SEMA3C: variants seen among roughly 807,000 people sequenced by gnomAD.
The protein encoded by SEMA3C is semaphorin 3C.
A neutral mutation model predicts 89.4 loss-of-function variants in SEMA3C; 47 were observed. The observed-to-expected ratio is 0.53, with a 90% CI of 0.42 to 0.67. The LOEUF is 0.67. Ranked by LOEUF, SEMA3C falls within the 30% of genes least tolerant of loss-of-function variation. The probability of loss-of-function intolerance (pLI) is 0.00; values close to 1 mark genes in which losing one functional copy is unlikely to be tolerated. For synonymous variants in SEMA3C, 310 were observed against 320.2 expected, an observed-to-expected ratio of 0.97 and a Z score of 0.34; for missense variants, 839 against 929.1, an observed-to-expected ratio of 0.90 and a Z score of 1.26.
intron 2 of SEMA3C, among the ~76,000 whole-genome samples, chr7:80,858,217 C>T (rs554707942): frequency 2.8e-4 from 42 of 152,184 alleles, no homozygotes; most frequent in African/African-American, 9.1e-4. Context: ...AACAGGTACT[C>T]TAAACTACTA....
chr7:80,788,212 G>A (rs1052473637), intron 12 of SEMA3C, among the ~76,000 whole-genome samples: 18 of 152,106 alleles, frequency 1.2e-4, no homozygotes, highest in Admixed American at 1.1e-3. Flanking sequence ...TTTTACAGAC[G>A]TGTTGTCTCT....
intron 13 of SEMA3C, among the ~76,000 whole-genome samples, chr7:80,763,265 A>C (rs1284446828): frequency 1.3e-5 from 2 of 152,180 alleles, no homozygotes; most frequent in Non-Finnish European, 2.9e-5. Context: ...TAGCTAAGAA[A>C]ACTTTTCAAT....
chr7:80,893,341 T>C (rs1791660393), intron 2 of SEMA3C, among the ~76,000 whole-genome samples: 1 of 152,050 alleles, frequency 6.6e-6, no homozygotes, highest in South Asian at 2.1e-4. Flanking sequence ...GCAGAACAAA[T>C]TGGGAAATTT....
intron 2 of SEMA3C, among the ~76,000 whole-genome samples, chr7:80,836,609 C>T (rs1260478287): frequency 1.3e-5 from 2 of 152,046 alleles, no homozygotes; most frequent in East Asian, 1.9e-4. Context: ...ACCTGTGAGG[C>T]GGAGATTGCA....
chr7:80,780,410 A>G (rs189122235), intron 12 of SEMA3C, among the ~76,000 whole-genome samples: 17 of 152,310 alleles, frequency 1.1e-4, no homozygotes, highest in Middle Eastern at 3.4e-3. Flanking sequence ...AGAACATAAC[A>G]TGTTATCTTT....
intron 10 of SEMA3C, 68 bp from the exon 11 acceptor site, chr7:80,798,304 G>A (rs1789116192): frequency 1.6e-5 from 19 of 1,209,580 alleles, no homozygotes; most frequent in South Asian, 1.2e-4. Flanking sequence ...AAAAATATAT[G>A]GTAAAATTTA....
At chr7:80,787,346 C>G (rs74743022) in intron 12 of SEMA3C, among the ~76,000 whole-genome samples, 1 of 142,328 alleles carries the variant, frequency 7.0e-6, no homozygotes. Context: ...GAGCCGAGAT[C>G]GTGCCACTGC....
At chr7:80,827,402 T>G (rs753667013) in intron 4 of SEMA3C, 23 bp downstream of exon 4, 308 of 1,480,098 alleles carry the variant, frequency 2.1e-4, no homozygotes, top group Admixed American at 5.9e-4. Flanking sequence ...GTTTTTTTTT[T>G]TTTTTTTTTT....
At chr7:80,757,998 G>T (rs887259023) in intron 15 of SEMA3C, among the ~76,000 whole-genome samples, 8 of 151,914 alleles carry the variant, frequency 5.3e-5, no homozygotes, top group African/African-American at 1.7e-4. Context: ...AAATTAAAAA[G>T]ATATAAATTA....
intron 2 of SEMA3C, among the ~76,000 whole-genome samples, chr7:80,893,378 A>G (rs1460530473): frequency 6.6e-6 from 1 of 152,186 alleles, no homozygotes; most frequent in Non-Finnish European, 1.5e-5. Context: ...TCTATCAGAT[A>G]CACTCTCTGC....
At chr7:80,769,518 AT>A (rs1295128783) in intron 12 of SEMA3C, among the ~76,000 whole-genome samples, 1 of 152,156 alleles carries the variant, frequency 6.6e-6, no homozygotes, top group Admixed American at 6.5e-5. Context: ...TATGCATACC[AT>A]TTTAAAAATA....
chr7:80,758,319 T>C lies in SEMA3C; in HGVS notation c.1643+12A>G, dbSNP rs749693429. 2 of 1,610,094 alleles carry C rather than the reference T, an allele frequency of 1.2e-6. No individual in the cohort carries two copies. Among genetic ancestry groups the C allele is most frequent in the South Asian group, 1.1e-5 (1 of 90,786 alleles). On this transcript the variant is annotated intron_variant, in intron 15 of 17. Transcript: ENST00000265361. ...CTACATTTGGATGTTGAGCCGAGTG[T>C]TTAGTGCTCACCGTTTCCCAGTTGG...
At chr7:80,898,923 G>T (rs1423803249) in intron 2 of SEMA3C, among the ~76,000 whole-genome samples, 1 of 151,832 alleles carries the variant, frequency 6.6e-6, no homozygotes, top group Non-Finnish European at 1.5e-5. Flanking sequence ...GTTTATAGGT[G>T]ATTTGTAGCT....
intron 2 of SEMA3C, among the ~76,000 whole-genome samples, chr7:80,879,663 T>C (rs1038488778): frequency 1.3e-5 from 2 of 152,244 alleles, no homozygotes; most frequent in Non-Finnish European, 2.9e-5. Context: ...ACTTAGCTTA[T>C]TAAGCTTTAG....
At chr7:80,850,947 G>T (rs1191110249) in intron 2 of SEMA3C, among the ~76,000 whole-genome samples, 1 of 152,066 alleles carries the variant, frequency 6.6e-6, no homozygotes, top group Non-Finnish European at 1.5e-5. Context: ...TGAAGTTGAG[G>T]TGGGCTGCAG....
In SEMA3C at chr7:80,743,277, C is replaced by A. The variant is rs1359230428; in HGVS notation, c.*1617G>T. 1 of 151,728 alleles carries A rather than the reference C, an allele frequency of 6.6e-6. No homozygotes were observed. Among genetic ancestry groups the A allele is most frequent in the Non-Finnish European group, 1.5e-5 (1 of 67,782 alleles). The allele number at this position is 151,728 out of a possible 1,614,324, so 9.4% of individuals were successfully genotyped here. On this transcript the variant is annotated 3_prime_UTR_variant, in exon 18 of 18. Transcript: ENST00000265361. ...TTTAACTATTTTTGCTATAGCGAGG[C>A]CTCCTCATATATTATCATAATTTAT...
chr7:80,802,585 CTTCTT>C (rs767933428), intron 9 of SEMA3C, 75 bp downstream of exon 9: 25 of 833,294 alleles, frequency 3.0e-5, no homozygotes, highest in Non-Finnish European at 4.8e-5. Flanking sequence ...GAAAGTACAT[CTTCTT>C]TTGAGACCTT....
intron 12 of SEMA3C, among the ~76,000 whole-genome samples, chr7:80,786,311 G>A (rs1437782962): frequency 6.6e-6 from 1 of 151,646 alleles, no homozygotes; most frequent in Admixed American, 6.6e-5. Flanking sequence ...AAATACTGCT[G>A]AACAGTTCAT....
In SEMA3C at chr7:80,743,784, T is replaced by G. The variant is rs1349991578; in HGVS notation, c.*1110A>C. On this transcript the variant is annotated 3_prime_UTR_variant, in exon 18 of 18. Coordinates refer to ENST00000265361, the MANE Select transcript of SEMA3C (RefSeq NM_006379.5). ...AAGACAGAATGTCTCCTCATATTGTTTTCTTACTTTCTAGACATAACAAGC... is the reference window on the plus strand; with the variant it reads ...AAGACAGAATGTCTCCTCATATTGTGTTCTTACTTTCTAGACATAACAAGC... 1 of 151,814 alleles carries G rather than the reference T, an allele frequency of 6.6e-6. No homozygotes were observed. 9.4% of individuals were successfully genotyped at this position (151,814 alleles called of 1,614,324 possible).
Sources: allele counts gnomAD v4.1 joint callset (sites outside exome capture counted in the v4.1 genomes callset), GRCh38; gene constraint gnomAD v4.1.1; transcripts MANE v1.5; gene names NCBI Gene and HGNC (gene_info 2026-07-23, HGNC 2026-07-21).